GBE1: variants seen among roughly 807,000 people sequenced by gnomAD.
GBE1 encodes 1,4-alpha-glucan branching enzyme 1, also known as 1,4-alpha-glucan-branching enzyme.
Under a neutral mutation model 88.8 loss-of-function variants are expected in GBE1, and 70 were observed. The ratio of observed to expected loss-of-function variants is 0.79; its 90% confidence interval spans 0.65 to 0.96. The LOEUF (loss-of-function observed/expected upper bound fraction) is 0.96, where lower values mean the gene tolerates loss of function less well. Ranked by LOEUF, GBE1 falls within the 40% of genes least tolerant of loss-of-function variation. The pLI, the probability that GBE1 is intolerant of heterozygous loss-of-function variation, is 0.00. For missense variants in GBE1, 872 were observed against 871.0 expected (o/e 1.00, Z -0.01); for synonymous variants, 284 against 300.1 (o/e 0.95, Z 0.56).
chr3:81,532,996 C>T (rs1394604044), intron 14 of GBE1, among the ~76,000 whole-genome samples: 1 of 152,050 alleles, frequency 6.6e-6, no homozygotes, highest in East Asian at 1.9e-4. Flanking sequence ...ATGGAACATT[C>T]TTGCTCCTTG....
intron 1 of GBE1, among the ~76,000 whole-genome samples, chr3:81,725,656 T>A (rs1218931110): frequency 1.3e-5 from 2 of 152,240 alleles, no homozygotes; most frequent in Admixed American, 1.3e-4. Flanking sequence ...TCTACTTTTA[T>A]ATGACTGGGA....
rs1315864101 is a variant in GBE1 at position 81,520,889 on chromosome 3, T to C, written c.1934+14306A>G. Among the ~76,000 whole-genome samples, 7 of 151,714 alleles carry C rather than the reference T, an allele frequency of 4.6e-5. No individual in the cohort carries two copies. The East Asian group carries it at 1.4e-3, about 30-fold the overall frequency. On this transcript the variant is annotated intron_variant, in intron 14 of 15. Transcript: ENST00000429644. ...TTTCCTAGAATATGGCTGTAGATTCTACTGCAGAAACAATTATAAGATGTC... is the reference window on the plus strand; with the variant it reads ...TTTCCTAGAATATGGCTGTAGATTCCACTGCAGAAACAATTATAAGATGTC...
intron 12 of GBE1, among the ~76,000 whole-genome samples, chr3:81,573,812 A>G (rs1250208756): frequency 3.3e-5 from 5 of 150,406 alleles, no homozygotes; most frequent in African/African-American, 1.2e-4. Flanking sequence ...AATTCTGTGC[A>G]CAGGTACCAT....
intron 1 of GBE1, among the ~76,000 whole-genome samples, chr3:81,719,373 T>C (rs1013873446): frequency 2.0e-5 from 3 of 152,050 alleles, no homozygotes; most frequent in Non-Finnish European, 4.4e-5. Flanking sequence ...CGTGCCACCA[T>C]GCCCAACTAA....
intron 12 of GBE1, among the ~76,000 whole-genome samples, chr3:81,541,165 G>A (rs1703137976): frequency 6.6e-6 from 1 of 151,946 alleles, no homozygotes; most frequent in African/African-American, 2.4e-5. Flanking sequence ...TGACTTTGTA[G>A]TGGAGTTTTC....
At chr3:81,598,364 G>C (rs1420862413) in intron 7 of GBE1, among the ~76,000 whole-genome samples, 1 of 150,988 alleles carries the variant, frequency 6.6e-6, no homozygotes, top group Non-Finnish European at 1.5e-5. Flanking sequence ...TTCAATCGAG[G>C]CAGTAGATTG....
chr3:81,759,802 T>C (rs897163891), intron 1 of GBE1, among the ~76,000 whole-genome samples: 4 of 151,904 alleles, frequency 2.6e-5, no homozygotes, highest in African/African-American at 9.7e-5. Context: ...ATAAAGTACA[T>C]GAAAGAAACA....
At chr3:81,491,915 T>G (rs1702441287) in intron 15 of GBE1, among the ~76,000 whole-genome samples, 1 of 152,210 alleles carries the variant, frequency 6.6e-6, no homozygotes, top group South Asian at 2.1e-4. Flanking sequence ...CTTAAAAAAA[T>G]CAGACATATT....
rs562281817 is a variant in GBE1 at position 81,700,023 on chromosome 3, C to A, written c.313+5421G>T. Among the ~76,000 whole-genome samples, 9 of 152,358 alleles carry A rather than the reference C, an allele frequency of 5.9e-5. No individual in the cohort carries two copies. The South Asian group carries it at 1.9e-3, about 32-fold the overall frequency. The stretch of plus-strand genomic sequence containing the variant: ...AGAGTTTCTTCATTGCTCTTTCTCT[C>A]TCTCATGTGATCAGTGGCTCCCCAT... On this transcript the variant is annotated intron_variant, in intron 2 of 15. Transcript: ENST00000429644.
chr3:81,520,545 T>C (rs1033195621), intron 14 of GBE1, among the ~76,000 whole-genome samples: 1 of 151,504 alleles, frequency 6.6e-6, no homozygotes, highest in Non-Finnish European at 1.5e-5. Context: ...TTGATAATGT[T>C]CTAGGTGAAG....
intron 7 of GBE1, among the ~76,000 whole-genome samples, chr3:81,596,997 G>A (rs1285058621): frequency 2.6e-5 from 4 of 151,696 alleles, no homozygotes; most frequent in Non-Finnish European, 5.9e-5. Flanking sequence ...TCCTTTTTTG[G>A]GGTGTTGAGA....
intron 10 of GBE1, among the ~76,000 whole-genome samples, chr3:81,585,432 C>T (rs938798995): frequency 4.6e-5 from 7 of 151,766 alleles, no homozygotes; most frequent in African/African-American, 7.3e-5. Flanking sequence ...CCATGAATGT[C>T]GACATGGCTG....
chr3:81,577,779 G>T, intron 12 of GBE1, 146 bp downstream of exon 12: 1 of 592,212 alleles, frequency 1.7e-6, no homozygotes, highest in Non-Finnish European at 2.8e-6. Context: ...TTTTATTCTT[G>T]CAATTTACAC....
chr3:81,671,033 C>T (rs1344046629), intron 2 of GBE1, 80 bp from the exon 3 acceptor site: 6 of 566,186 alleles, frequency 1.1e-5, no homozygotes, highest in Admixed American at 4.1e-5. Flanking sequence ...CAAAATACTG[C>T]TTTACTTGCA....
rs184308964 is a variant in GBE1 at position 81,700,102 on chromosome 3, G to C, written c.313+5342C>G. 6.6e-3 allele frequency among the ~76,000 whole-genome samples: 1,001 copies of C among 152,308 alleles called. 9 individuals carry two copies. The highest frequency in any genetic ancestry group is 0.02 in the Middle Eastern group (6 of 294). On this transcript the variant is annotated intron_variant, in intron 2 of 15. Coordinates refer to ENST00000429644, the MANE Select transcript of GBE1 (RefSeq NM_000158.4). ...TGGAGTGAATTTGACAGTTGCGGGA[G>C]AGCCACAGCTGACCACTACAGCGAA...
At chr3:81,508,540 CTTTT>C (rs1007799086) in intron 14 of GBE1, among the ~76,000 whole-genome samples, 2 of 152,176 alleles carry the variant, frequency 1.3e-5, no homozygotes, top group Non-Finnish European at 2.9e-5. Flanking sequence ...AGACTCAACA[CTTTT>C]TTTAAAAAAA....
At chr3:81,644,873 C>A (rs1704742639) in intron 6 of GBE1, among the ~76,000 whole-genome samples, 1 of 152,052 alleles carries the variant, frequency 6.6e-6, no homozygotes, top group South Asian at 2.1e-4. Context: ...TTACAGATGG[C>A]TAGATTTTTT....
chr3:81,587,736 T>C (rs1481398855), intron 9 of GBE1, among the ~76,000 whole-genome samples: 1 of 152,162 alleles, frequency 6.6e-6, no homozygotes, highest in Non-Finnish European at 1.5e-5. Context: ...TCAGTATCTG[T>C]TGAGTGAATG....
intron 15 of GBE1, among the ~76,000 whole-genome samples, chr3:81,494,035 AC>A (rs1559623227): frequency 6.6e-6 from 1 of 151,930 alleles, no homozygotes; most frequent in African/African-American, 2.4e-5. Flanking sequence ...TAAAAAAAAA[AC>A]CCTTTGGTTC....
Sources: gnomAD v4.1 joint callset for allele counts (sites outside exome capture counted in the v4.1 genomes callset) on GRCh38, gnomAD v4.1.1 for gene constraint, MANE v1.5 for transcripts, NCBI Gene and HGNC (gene_info 2026-07-23, HGNC 2026-07-21) for gene names.